PTCH1: variants seen among roughly 807,000 people sequenced by gnomAD.
PTCH1 encodes patched 1, also known as protein patched homolog 1.
In PTCH1, 14 loss-of-function variants were observed where a neutral mutation model predicts 144.6. The observed-to-expected ratio is 0.10, with a 90% CI of 0.06 to 0.15. PTCH1 has a LOEUF of 0.15. Among genes scored for constraint, PTCH1 ranks in the 10% least tolerant of loss-of-function variants. The probability of loss-of-function intolerance (pLI) is 1.00; values close to 1 mark genes in which losing one functional copy is unlikely to be tolerated. For missense variants in PTCH1, 1,623 were observed against 1,948.3 expected (o/e 0.83, Z 3.14); for synonymous variants, 833 against 793.6 (o/e 1.05, Z -0.83).
At chr9:95,506,326 A>C in intron 2 of PTCH1, 81 bp downstream of exon 2, 1 of 1,476,034 alleles carries the variant, frequency 6.8e-7, no homozygotes. Flanking sequence ...GCCAGGCTCT[A>C]GGTGTGCGCT....
chr9:95,449,760 T>A lies in PTCH1; in HGVS notation c.3549+81A>T. 1 of 1,293,136 alleles carries A rather than the reference T, an allele frequency of 7.7e-7. No individual in the cohort carries two copies. Among genetic ancestry groups the A allele is most frequent in the Non-Finnish European group, 1.1e-6 (1 of 898,874 alleles). 80.1% of individuals were successfully genotyped at this position (1,293,136 alleles called of 1,614,324 possible). ...AACCACCAGCAAGTGGGGAGGCACCTAAGTATCGAAGTGAAGAGCGGCACA... is the reference window on the plus strand; with the variant it reads ...AACCACCAGCAAGTGGGGAGGCACCAAAGTATCGAAGTGAAGAGCGGCACA... On this transcript the variant is annotated intron_variant, in intron 21 of 23. Transcript: ENST00000331920. This position sits in a 1 kb window ranked among gnomAD's most constrained non-coding sequence, Gnocchi z 5.3.
At chr9:95,452,931 G>A (rs563964075) in intron 20 of PTCH1, 1 of 175,092 alleles carries the variant, frequency 5.7e-6, no homozygotes, top group Non-Finnish European at 1.2e-5. Context: ...TCAAGCTGCA[G>A]AGTTGTCTTT....
At chr9:95,497,884 C>G (rs1462293716) in intron 2 of PTCH1, among the ~76,000 whole-genome samples, 1 of 152,114 alleles carries the variant, frequency 6.6e-6, no homozygotes, top group East Asian at 1.9e-4. Flanking sequence ...CACTACAGAG[C>G]AGAGGGTTTA....
chr9:95,463,710 G>C (rs1839751810), intron 15 of PTCH1, among the ~76,000 whole-genome samples: 1 of 152,142 alleles, frequency 6.6e-6, no homozygotes, highest in African/African-American at 2.4e-5. Context: ...GCAACCAAGG[G>C]ACAGCCCCGT....
rs1340860599 is a variant in PTCH1 at position 95,508,224 on chromosome 9, G to A, written c.138C>T (p.Asp46=). The A allele has an allele frequency of 2.5e-6, 4 of 1,611,194 alleles. No homozygotes were observed. Among genetic ancestry groups the A allele is most frequent in the Non-Finnish European group, 3.4e-6 (4 of 1,179,516 alleles). Residue 46 remains aspartate (D), a synonymous_variant, in exon 1 of 24, where the codon GAC becomes GAT. Transcript: ENST00000331920. ...TGGLRRAAAP[D]RDYLHRPSYC... ...AGCTGGGCCGGTGCAGATAGTCCCG[G>A]TCCGGCGCGGCAGCACGGCGCAGCC...
intron 2 of PTCH1, among the ~76,000 whole-genome samples, chr9:95,505,423 AAGAT>A (rs1044586317): frequency 6.6e-6 from 1 of 152,232 alleles, no homozygotes; most frequent in Non-Finnish European, 1.5e-5. Flanking sequence ...ACTTGCCAAA[AAGAT>A]AAATAAGAAA....
rs2118285458 is a variant in PTCH1 at position 95,476,836 on chromosome 9, C to G, written c.1525G>C (p.Gly509Arg). The stretch of plus-strand genomic sequence containing the variant: ...AGAAAAACATCATCCACACCAACAC[C>G]AAGAGCGAGAAATGGCAAAACCTAC... ...TTQVLPFLAL[G>R]VGVDDVFLLA... Residue 509 changes from glycine to arginine, a missense_variant, in exon 11 of 24, where the codon GGT becomes CGT. Around this residue, in one of 7 missense-constraint regions of PTCH1, gnomAD observed 135 missense variants for 228.7 expected, o/e 0.59. Transcript: ENST00000331920. This position sits in a 1 kb window ranked among gnomAD's most constrained non-coding sequence, Gnocchi z 4.6. 1 of 1,614,054 alleles carries G rather than the reference C, an allele frequency of 6.2e-7. No individual in the cohort carries two copies. Among genetic ancestry groups the G allele is most frequent in the Non-Finnish European group, 8.5e-7 (1 of 1,179,942 alleles).
At chr9:95,477,487 C>T (rs1841142412) in intron 10 of PTCH1, 60 bp downstream of exon 10, 1 of 1,612,286 alleles carries the variant, frequency 6.2e-7, no homozygotes, top group South Asian at 1.1e-5. Context: ...CTGGCTGGGC[C>T]AAGCCTGGGG....
At chr9:95,472,653 G>A (rs1840682486) in intron 12 of PTCH1, among the ~76,000 whole-genome samples, 1 of 152,178 alleles carries the variant, frequency 6.6e-6, no homozygotes, top group African/African-American at 2.4e-5. Flanking sequence ...GCACAGGCAT[G>A]GGCACCAGCC....
chr9:95,508,455 G>A lies in PTCH1; in HGVS notation c.-94C>T. The stretch of plus-strand genomic sequence containing the variant: ...TGCTGCGGGCTCCTGGCGCGCCTGG[G>A]CGCTCGGCTTGCGAGGACGCTGCTG... On this transcript the variant is annotated 5_prime_UTR_variant, in exon 1 of 24. Coordinates refer to ENST00000331920, the MANE Select transcript of PTCH1 (RefSeq NM_000264.5). 1.9e-6 allele frequency: 2 copies of A among 1,025,788 alleles called. No individual in the cohort carries two copies. The highest frequency in any genetic ancestry group is 2.3e-6 in the Non-Finnish European group (2 of 857,036). The allele number at this position is 1,025,788 out of a possible 1,614,324, so 63.5% of individuals were successfully genotyped here. A position where few individuals can be genotyped will look rare whatever the true frequency, so the allele number is the denominator to read the frequency against.
At chr9:95,453,646 T>A in intron 19 of PTCH1, 26 bp from the exon 20 acceptor site, 1 of 1,612,492 alleles carries the variant, frequency 6.2e-7, no homozygotes, top group Non-Finnish European at 8.5e-7. Flanking sequence ...GTTCACAAGA[T>A]CAGGTTGCTG....
intron 8 of PTCH1, 99 bp downstream of exon 8, chr9:95,478,901 T>A: frequency 6.4e-7 from 1 of 1,562,296 alleles, no homozygotes; most frequent in Non-Finnish European, 8.7e-7. Context: ...TTGCAATGTT[T>A]TGAAAATAAA....
At chr9:95,468,670 A>C in intron 14 of PTCH1, 81 bp downstream of exon 14, 1 of 1,556,934 alleles carries the variant, frequency 6.4e-7, no homozygotes, top group South Asian at 1.2e-5. Flanking sequence ...AAAAAGAAGA[A>C]AAGTAGAAGC....
intron 5 of PTCH1, 64 bp from the exon 6 acceptor site, chr9:95,480,652 C>A (rs111662939): frequency 6.6e-7 from 1 of 1,515,276 alleles, no homozygotes. Flanking sequence ...TAAAGTAACA[C>A]GGCTGCGCCC....
rs1384935549 is a variant in PTCH1 at position 95,449,269 on chromosome 9, G to T, written c.3604C>A (p.Pro1202Thr). 1.3e-6 allele frequency: 2 copies of T among 1,564,346 alleles called. No individual in the cohort carries two copies. Among genetic ancestry groups the T allele is most frequent in the Non-Finnish European group, 1.7e-6 (2 of 1,154,282 alleles). ...RLPTPSPEPP[P>T]SVVRFAMPPG... ...GGCATGGCGAAGCGGACCACGCTGG[G>T]GGGTGGCTCAGGGGAGGGTGTGGGC... Residue 1202 changes from proline to threonine, a missense_variant, in exon 22 of 24, where the codon CCC becomes ACC. Around this residue, in one of 7 missense-constraint regions of PTCH1, gnomAD observed 504 missense variants for 679.3 expected, o/e 0.74. Coordinates refer to ENST00000331920, the MANE Select transcript of PTCH1 (RefSeq NM_000264.5). This position sits in a 1 kb window ranked among gnomAD's most constrained non-coding sequence, Gnocchi z 5.3.
chr9:95,512,421 C>G (rs1844202140), upstream of PTCH1, among the ~76,000 whole-genome samples: 1 of 141,848 alleles, frequency 7.0e-6, no homozygotes, highest in Non-Finnish European at 1.5e-5. Flanking sequence ...TTTTTTCATA[C>G]TTAGAGATGA....
At position 95,458,245 on chromosome 9, in the gene PTCH1, T is replaced by C. The variant is rs758907408; in HGVS notation, c.2936A>G (p.Asn979Ser). 6.8e-6 allele frequency: 11 copies of C among 1,613,744 alleles called. No individual in the cohort carries two copies. The highest frequency in any genetic ancestry group is 4.5e-5 in the East Asian group (2 of 44,880). The change falls in exon 18 of 24, where the codon AAC (asparagine) becomes AGC (serine). Residue 979 changes from asparagine to serine, a missense_variant. Asn to Ser is a conservative substitution (Grantham distance 46). Around this residue, in one of 7 missense-constraint regions of PTCH1, gnomAD observed 504 missense variants for 679.3 expected, o/e 0.74. Transcript: ENST00000331920. This position sits in a 1 kb window ranked among gnomAD's most constrained non-coding sequence, Gnocchi z 4.7. ...AAAGTCTGAGGTGTCCCGCAAGCCGTTGAGGTAGAAAGGGAACTGGGCATA... is the reference window on the plus strand; with the variant it reads ...AAAGTCTGAGGTGTCCCGCAAGCCGCTGAGGTAGAAAGGGAACTGGGCATA... Reference protein sequence around the residue: ...IEYAQFPFYLNGLRDTSDFVE... With the variant: ...IEYAQFPFYLSGLRDTSDFVE...
At chr9:95,473,070 T>G (rs1041221840) in intron 12 of PTCH1, among the ~76,000 whole-genome samples, 17 of 152,376 alleles carry the variant, frequency 1.1e-4, no homozygotes, top group African/African-American at 4.1e-4. Context: ...GGTTCTGTTC[T>G]GTGAGTTTTC....
chr9:95,490,009 A>G (rs371331286), intron 2 of PTCH1, among the ~76,000 whole-genome samples: 48 of 149,600 alleles, frequency 3.2e-4, no homozygotes, highest in African/African-American at 1.0e-3. Flanking sequence ...TCACTGTGTT[A>G]GCCAGGATGG....
Sources: gnomAD v4.1 joint callset for allele counts (sites outside exome capture counted in the v4.1 genomes callset) on GRCh38, gnomAD v4.1.1 for gene constraint, gnomAD v4.1.1 regional missense constraint, Gnocchi (gnomAD v3.1) non-coding constraint, MANE v1.5 for transcripts, NCBI Gene and HGNC (gene_info 2026-07-23, HGNC 2026-07-21) for gene names.